CHRM3: variants seen among roughly 807,000 people sequenced by gnomAD.
CHRM3 encodes cholinergic receptor muscarinic 3, also known as muscarinic acetylcholine receptor M3.
In CHRM3, 11 loss-of-function variants were observed where a neutral mutation model predicts 41.8. That is an observed-to-expected ratio of 0.26 (90% CI 0.17 to 0.44). The LOEUF is 0.44. CHRM3 is among the 20% of genes least tolerant of loss of function. The pLI, the probability that CHRM3 is intolerant of heterozygous loss-of-function variation, is 1.00. For missense variants in CHRM3, 571 were observed against 745.4 expected (o/e 0.77, Z 2.72); for synonymous variants, 297 against 301.4 (o/e 0.99, Z 0.15).
intron 5 of CHRM3, among the ~76,000 whole-genome samples, chr1:239,681,328 A>C (rs1013286644): frequency 6.6e-6 from 1 of 152,186 alleles, no homozygotes; most frequent in Admixed American, 6.5e-5. Flanking sequence ...TTCTTCAGAA[A>C]AGTTACCTTT....
chr1:239,890,638 G>C (rs1678474886), intron 6 of CHRM3, among the ~76,000 whole-genome samples: 1 of 152,060 alleles, frequency 6.6e-6, no homozygotes. Flanking sequence ...CTTACACTTT[G>C]GGTCATATTG....
intron 1 of CHRM3, among the ~76,000 whole-genome samples, chr1:239,490,930 G>A (rs950860701): frequency 6.6e-6 from 1 of 151,922 alleles, no homozygotes; most frequent in Non-Finnish European, 1.5e-5. Flanking sequence ...TTGTTGACAC[G>A]GGGTTGTGCC....
At chr1:239,627,929 C>T (rs1440090157) in intron 3 of CHRM3, among the ~76,000 whole-genome samples, 1 of 147,888 alleles carries the variant, frequency 6.8e-6, no homozygotes, top group Non-Finnish European at 1.5e-5. Context: ...TCTGGCTGCC[C>T]TTAACATTTT....
chr1:239,454,418 C>T (rs1170813336), intron 1 of CHRM3, among the ~76,000 whole-genome samples: 1 of 151,734 alleles, frequency 6.6e-6, no homozygotes, highest in Non-Finnish European at 1.5e-5. Flanking sequence ...CAGGCCCTCT[C>T]CAGGCGAGCC....
chr1:239,547,008 A>T (rs190946932), intron 3 of CHRM3, among the ~76,000 whole-genome samples: 1 of 152,328 alleles, frequency 6.6e-6, no homozygotes, highest in African/African-American at 2.4e-5. Flanking sequence ...ATTGAGAAAG[A>T]CTTTTCCACT....
At chr1:239,674,605 A>G (rs1176292655) in intron 4 of CHRM3, among the ~76,000 whole-genome samples, 1 of 151,354 alleles carries the variant, frequency 6.6e-6, no homozygotes, top group African/African-American at 2.4e-5. Context: ...AGCTACTCTG[A>G]AGGCTGAGGC....
At position 239,555,766 on chromosome 1, in the gene CHRM3, T is replaced by C. The variant is rs149046563; in HGVS notation, c.-313+10017T>C. ...CTCTGCAGGAGCAGTCACAAAGCTG[T>C]AATGCTGCCTCTTCAACAAAACTGT... On this transcript the variant is annotated intron_variant, in intron 3 of 6. Transcript: ENST00000676153. Among the ~76,000 whole-genome samples the C allele has an allele frequency of 2.5e-3, 386 of 152,358 alleles. 9 individuals carry two copies. The East Asian group carries it at 0.05, about 20-fold the overall frequency.
intron 3 of CHRM3, among the ~76,000 whole-genome samples, chr1:239,597,301 A>T: frequency 6.6e-6 from 1 of 152,160 alleles, no homozygotes; most frequent in East Asian, 1.9e-4. Flanking sequence ...TGTTATAAAA[A>T]CTGCACCTTT....
Position 239,408,948 on chromosome 1 carries a change from G to A in CHRM3, c.-521+21721G>A, listed in dbSNP as rs1289669990. On this transcript the variant is annotated intron_variant, in intron 1 of 6. Transcript: ENST00000676153. ...CCAGAATGCTCTTGATGTGCCACAA[G>A]ACACTTCACTTTTTACATTACTCGG... Among the ~76,000 whole-genome samples, 5 of 152,088 alleles carry A rather than the reference G, an allele frequency of 3.3e-5. No homozygotes were observed. In the East Asian group the frequency reaches 9.6e-4, roughly 29 times the overall value.
rs1232342696 is a variant in CHRM3, at chr1:239,874,301, A to ATCTATATACACAG, written c.-19-33131_-19-33130insCTATATACACAGT. 4.1e-3 allele frequency among the ~76,000 whole-genome samples: 512 copies of ATCTATATACACAG among 123,812 alleles called. 27 individuals carry two copies. Among genetic ancestry groups the ATCTATATACACAG allele is most frequent in the African/African-American group, 0.017 (478 of 27,388 alleles). 81.2% of individuals were successfully genotyped at this position (123,812 alleles called of 152,430 possible). A position where few individuals can be genotyped will look rare whatever the true frequency, so the allele number is the denominator to read the frequency against. Reference sequence around the variant, plus strand: ...ATATACACAGTATATATATATATATATATATATATATATATATATATATAT... The same window carrying ATCTATATACACAG: ...ATATACACAGTATATATATATATATATCTATATACACAGTATATATATATATATATATATATAT... On this transcript the variant is annotated intron_variant, in intron 6 of 6. Coordinates refer to ENST00000676153, the MANE Select transcript of CHRM3 (RefSeq NM_001375978.1).
chr1:239,512,825 AC>A (rs1403807335), intron 2 of CHRM3, among the ~76,000 whole-genome samples: 1 of 151,326 alleles, frequency 6.6e-6, no homozygotes, highest in Non-Finnish European at 1.5e-5. Context: ...AAAAAAAAAA[AC>A]TGTTAGAATC....
intron 4 of CHRM3, among the ~76,000 whole-genome samples, chr1:239,636,910 T>G (rs898598596): frequency 2.3e-4 from 35 of 152,228 alleles, no homozygotes; most frequent in African/African-American, 8.4e-4. Context: ...TGTTATGCTT[T>G]TCCACTTTAT....
At chr1:239,586,492 C>A (rs1663414203) in intron 3 of CHRM3, among the ~76,000 whole-genome samples, 1 of 152,124 alleles carries the variant, frequency 6.6e-6, no homozygotes, top group Non-Finnish European at 1.5e-5. Flanking sequence ...TTTTAGATAA[C>A]TCTTGGAACC....
chr1:239,883,140 T>A (rs1677785856), intron 6 of CHRM3, among the ~76,000 whole-genome samples: 3 of 152,218 alleles, frequency 2.0e-5, no homozygotes, highest in Non-Finnish European at 4.4e-5. Context: ...ACTCACTCAG[T>A]GGGATAAATG....
chr1:239,457,183 G>A lies in CHRM3; in HGVS notation c.-520-35526G>A, dbSNP rs1283009899. 3.9e-5 allele frequency among the ~76,000 whole-genome samples: 6 copies of A among 152,266 alleles called. No individual in the cohort carries two copies. The East Asian group carries it at 9.7e-4, about 25-fold the overall frequency. Reference sequence around the variant, plus strand: ...TGGCCCCTTTCTTTGTATGGCCATAGGCAGGTTACTTAACTTTTTAAGCCT... The same window carrying A: ...TGGCCCCTTTCTTTGTATGGCCATAAGCAGGTTACTTAACTTTTTAAGCCT... On this transcript the variant is annotated intron_variant, in intron 1 of 6. Transcript: ENST00000676153.
intron 4 of CHRM3, among the ~76,000 whole-genome samples, chr1:239,662,995 T>G (rs1297311149): frequency 6.7e-6 from 1 of 148,442 alleles, no homozygotes. Context: ...TCCTTGTCCT[T>G]CTCCTTCTTC....
At chr1:239,781,806 C>T (rs1668528518) in intron 5 of CHRM3, among the ~76,000 whole-genome samples, 1 of 152,070 alleles carries the variant, frequency 6.6e-6, no homozygotes, top group African/African-American at 2.4e-5. Flanking sequence ...TCTTTGTTTA[C>T]TGGGACTTTT....
intron 5 of CHRM3, among the ~76,000 whole-genome samples, chr1:239,771,050 T>C (rs1667620517): frequency 6.6e-6 from 1 of 150,756 alleles, no homozygotes; most frequent in South Asian, 2.1e-4. Context: ...ATCATCCTAC[T>C]GCACTCCAGC....
chr1:239,445,017 C>T (rs1664021396), intron 1 of CHRM3, among the ~76,000 whole-genome samples: 1 of 152,064 alleles, frequency 6.6e-6, no homozygotes, highest in Non-Finnish European at 1.5e-5. Flanking sequence ...GTGCAGTGGG[C>T]CACTGGATTT....
Sources: allele counts gnomAD v4.1 joint callset (sites outside exome capture counted in the v4.1 genomes callset), GRCh38; gene constraint gnomAD v4.1.1; transcripts MANE v1.5; gene names NCBI Gene and HGNC (gene_info 2026-07-23, HGNC 2026-07-21).